The following RBFOX1 variants were observed in gnomAD, a reference collection of about 807,000 sequenced individuals.
The protein encoded by RBFOX1 is RNA binding fox-1 homolog 1.
A neutral mutation model predicts 57.7 loss-of-function variants in RBFOX1; 8 were observed. That is an observed-to-expected ratio of 0.14 (90% CI 0.08 to 0.25). RBFOX1 has a LOEUF of 0.25. Among genes scored for constraint, RBFOX1 ranks in the 10% least tolerant of loss-of-function variants. RBFOX1 has a pLI of 1.00. For synonymous variants in RBFOX1, 326 were observed against 222.4 expected (o/e 1.47, Z -4.15); for missense variants, 611 against 548.5 (o/e 1.11, Z -1.14).
At chr16:5,385,437 G>A (rs1024658468) in intron 1 of RBFOX1, among the ~76,000 whole-genome samples, 1 of 152,226 alleles carries the variant, frequency 6.6e-6, no homozygotes, top group Non-Finnish European at 1.5e-5. Flanking sequence ...TTTGGGACAT[G>A]AAACATGCAC....
In RBFOX1 at chr16:6,483,911, C is replaced by T. The variant is rs928521618; in HGVS notation, c.-64+166854C>T. 31 of 1,099,858 alleles carry T rather than the reference C, an allele frequency of 2.8e-5. 1 individual carries two copies. The African/African-American group carries it at 3.8e-4, about 13-fold the overall frequency. 68.1% of individuals were successfully genotyped at this position (1,099,858 alleles called of 1,614,324 possible). A position where few individuals can be genotyped will look rare whatever the true frequency, so the allele number is the denominator to read the frequency against. ...CTGCGTTTGCAGCGCGTGAATGGGACGCGGTATGTAAGCCGAGCTCCAGCT... is the reference window on the plus strand; with the variant it reads ...CTGCGTTTGCAGCGCGTGAATGGGATGCGGTATGTAAGCCGAGCTCCAGCT... On this transcript the variant is annotated intron_variant, in intron 2 of 15. Transcript: ENST00000550418.
chr16:6,077,915 G>T (rs901758980), intron 1 of RBFOX1, among the ~76,000 whole-genome samples: 1 of 152,096 alleles, frequency 6.6e-6, no homozygotes, highest in Admixed American at 6.6e-5. Flanking sequence ...ACATTGGAAG[G>T]ACTCCTCTCA....
chr16:5,383,839 A>G (rs1343095278), intron 1 of RBFOX1, among the ~76,000 whole-genome samples: 1 of 152,182 alleles, frequency 6.6e-6, no homozygotes, highest in Non-Finnish European at 1.5e-5. Context: ...TAGAAAAGAG[A>G]GTTTATTGGT....
chr16:7,580,350 G>C (rs895694586), intron 6 of RBFOX1, among the ~76,000 whole-genome samples: 3 of 152,114 alleles, frequency 2.0e-5, no homozygotes, highest in Non-Finnish European at 4.4e-5. Flanking sequence ...GCATTGCCTA[G>C]TCTTTCCCAG....
At chr16:5,820,224 C>T (rs763547661) in intron 3 of RBFOX1, among the ~76,000 whole-genome samples, 1 of 152,212 alleles carries the variant, frequency 6.6e-6, no homozygotes, top group Non-Finnish European at 1.5e-5. Context: ...ACCCCATAGC[C>T]TGACTGCAAA....
chr16:6,627,228 G>T (rs1439568641), intron 2 of RBFOX1, among the ~76,000 whole-genome samples: 2 of 152,180 alleles, frequency 1.3e-5, no homozygotes, highest in Non-Finnish European at 2.9e-5. Context: ...CCAGCACAGG[G>T]GAATGAGATG....
intron 4 of RBFOX1, among the ~76,000 whole-genome samples, chr16:7,138,683 A>C (rs1224207720): frequency 6.6e-6 from 1 of 152,170 alleles, no homozygotes; most frequent in Admixed American, 6.5e-5. Context: ...CTGCCTAATC[A>C]TCTACCTTCA....
intron 6 of RBFOX1, among the ~76,000 whole-genome samples, chr16:7,586,322 G>A (rs1026365047): frequency 2.6e-5 from 4 of 152,150 alleles, no homozygotes; most frequent in South Asian, 4.1e-4. Context: ...AAGGTTGGGG[G>A]AAAGGATTTC....
intron 3 of RBFOX1, among the ~76,000 whole-genome samples, chr16:5,763,998 G>T (rs2053682875): frequency 6.6e-6 from 1 of 152,120 alleles, no homozygotes; most frequent in East Asian, 1.9e-4. Context: ...CACCTCAAGG[G>T]CAGGTACTTT....
chr16:6,243,146 G>C (rs2097549157), intron 1 of RBFOX1, among the ~76,000 whole-genome samples: 1 of 146,320 alleles, frequency 6.8e-6, no homozygotes, highest in South Asian at 2.2e-4. Context: ...ACGTGTGTCT[G>C]TGTGTGTGTG....
intron 2 of RBFOX1, among the ~76,000 whole-genome samples, chr16:6,652,614 A>G (rs1182337436): frequency 6.6e-6 from 1 of 152,100 alleles, no homozygotes; most frequent in Non-Finnish European, 1.5e-5. Flanking sequence ...CACCTGTAGA[A>G]CTCTAAGAAA....
chr16:5,332,369 G>A (rs1289140878), intron 1 of RBFOX1, among the ~76,000 whole-genome samples: 1 of 152,036 alleles, frequency 6.6e-6, no homozygotes, highest in African/African-American at 2.4e-5. Context: ...CTGGGTTCCA[G>A]CATTTTTCTT....
At chr16:5,880,469 C>G (rs914367348) in intron 4 of RBFOX1, among the ~76,000 whole-genome samples, 2 of 152,220 alleles carry the variant, frequency 1.3e-5, no homozygotes, top group African/African-American at 4.8e-5. Flanking sequence ...TTATTACTTT[C>G]AGCCAGCAGA....
At chr16:6,497,573 AAAAAC>A (rs1401746164) in intron 2 of RBFOX1, among the ~76,000 whole-genome samples, 1 of 151,666 alleles carries the variant, frequency 6.6e-6, no homozygotes, top group Admixed American at 6.6e-5. Flanking sequence ...AAAAAAAAAA[AAAAAC>A]AGAGTTTTGC....
intron 3 of RBFOX1, among the ~76,000 whole-genome samples, chr16:6,699,262 G>C (rs1157955289): frequency 6.7e-6 from 1 of 150,226 alleles, no homozygotes; most frequent in Non-Finnish European, 1.5e-5. Flanking sequence ...GTTCACTGTT[G>C]TGAGGCTTTG....
At chr16:5,337,712 G>C (rs1217260423) in intron 1 of RBFOX1, among the ~76,000 whole-genome samples, 2 of 152,164 alleles carry the variant, frequency 1.3e-5, no homozygotes, top group African/African-American at 4.8e-5. Context: ...TCAAGCTCCT[G>C]AGCTCTGTGC....
At chr16:7,172,941 A>T (rs1326500115) in intron 4 of RBFOX1, among the ~76,000 whole-genome samples, 1 of 152,172 alleles carries the variant, frequency 6.6e-6, no homozygotes, top group Non-Finnish European at 1.5e-5. Context: ...GTTAACTACA[A>T]AACTAAAATT....
rs1176561634 is a variant in RBFOX1, at chr16:6,520,399, T to C, written c.-63-134204T>C. 2.0e-5 allele frequency among the ~76,000 whole-genome samples: 3 copies of C among 152,310 alleles called. No homozygotes were observed. In the East Asian group the frequency reaches 5.8e-4, roughly 29 times the overall value. On this transcript the variant is annotated intron_variant, in intron 2 of 15. Coordinates refer to ENST00000550418, the MANE Select transcript of RBFOX1 (RefSeq NM_018723.4). ...AATGAGGTTGTGTTTTAAGAAATGT[T>C]ACATAGACTATAAAATCCTAATTTT... is the stretch of plus-strand genomic sequence containing the variant.
intron 4 of RBFOX1, among the ~76,000 whole-genome samples, chr16:7,140,430 T>C (rs1470781866): frequency 6.6e-6 from 1 of 152,070 alleles, no homozygotes; most frequent in Non-Finnish European, 1.5e-5. Context: ...ATGGCTATAT[T>C]GTCTAACTTC....
Sources: allele counts gnomAD v4.1 joint callset (sites outside exome capture counted in the v4.1 genomes callset), GRCh38; gene constraint gnomAD v4.1.1; transcripts MANE v1.5; gene names NCBI Gene and HGNC (gene_info 2026-07-23, HGNC 2026-07-21).